The following BACH2 variants were observed in gnomAD, a reference collection of about 807,000 sequenced individuals.
BACH2 encodes BACH transcriptional regulator 2, also known as transcription regulator protein BACH2.
BACH2 carries 5 observed loss-of-function variants against 61.8 expected under a neutral mutation model. That is an observed-to-expected ratio of 0.08 (90% CI 0.04 to 0.17). The LOEUF (loss-of-function observed/expected upper bound fraction) is 0.17, where lower values mean the gene tolerates loss of function less well. Among genes scored for constraint, BACH2 ranks in the 10% least tolerant of loss-of-function variants. BACH2 has a pLI of 1.00. For missense variants in BACH2, 824 were observed against 1,091.1 expected (o/e 0.76, Z 3.45); for synonymous variants, 446 against 440.1 (o/e 1.01, Z -0.17).
intron 3 of BACH2, among the ~76,000 whole-genome samples, chr6:90,209,837 A>G (rs903631209): frequency 9.9e-5 from 15 of 152,110 alleles, no homozygotes; most frequent in Admixed American, 9.8e-4. Context: ...CAGGCTAAAA[A>G]CCCTTTGAGG....
rs1772043745 is a variant in BACH2 at position 90,287,135 on chromosome 6, G to A, written c.-446+9345C>T. ...TGGTTGCTGGAGAAGGGTATGGTGGGGGAGAGGTGGGACTGAAGGGCGTTG... is the reference window on the plus strand; with the variant it reads ...TGGTTGCTGGAGAAGGGTATGGTGGAGGAGAGGTGGGACTGAAGGGCGTTG... On this transcript the variant is annotated intron_variant, in intron 1 of 8. Transcript: ENST00000257749. Among the ~76,000 whole-genome samples, 3 of 152,098 alleles carry A rather than the reference G, an allele frequency of 2.0e-5. No homozygotes were observed. The South Asian group carries it at 6.2e-4, about 32-fold the overall frequency.
intron 4 of BACH2, among the ~76,000 whole-genome samples, chr6:90,152,579 T>C (rs1176511256): frequency 2.6e-5 from 4 of 152,242 alleles, no homozygotes; most frequent in African/African-American, 9.6e-5. Context: ...ATATACTTAA[T>C]AAGTTTTACT....
intron 3 of BACH2, among the ~76,000 whole-genome samples, chr6:90,246,708 T>C (rs1021980399): frequency 1.3e-5 from 2 of 152,210 alleles, no homozygotes; most frequent in African/African-American, 4.8e-5. Flanking sequence ...TTAAGGTGAT[T>C]TGAAGCAAAA....
At chr6:90,160,875 G>A (rs1785165916) in intron 4 of BACH2, among the ~76,000 whole-genome samples, 1 of 152,062 alleles carries the variant, frequency 6.6e-6, no homozygotes, top group African/African-American at 2.4e-5. Context: ...TGGATCACGA[G>A]GTCAGGAGAT....
At chr6:90,023,463 T>A (rs1469787264) in intron 5 of BACH2, among the ~76,000 whole-genome samples, 1 of 152,192 alleles carries the variant, frequency 6.6e-6, no homozygotes, top group Non-Finnish European at 1.5e-5. Flanking sequence ...TCCACTGTGA[T>A]TGTAAGTTTC....
intron 4 of BACH2, among the ~76,000 whole-genome samples, chr6:90,098,063 C>T (rs1201811094): frequency 1.3e-5 from 2 of 152,172 alleles, no homozygotes; most frequent in South Asian, 4.2e-4. Context: ...ACATCACAGC[C>T]TTCCACGCCT....
At chr6:90,072,463 T>C (rs1324505355) in intron 5 of BACH2, among the ~76,000 whole-genome samples, 1 of 152,216 alleles carries the variant, frequency 6.6e-6, no homozygotes, top group Non-Finnish European at 1.5e-5. Context: ...ATTTCCAAAC[T>C]ATTTCTAAGG....
intron 2 of BACH2, among the ~76,000 whole-genome samples, chr6:90,260,638 GA>G (rs1270834595): frequency 1.3e-5 from 2 of 152,196 alleles, no homozygotes; most frequent in African/African-American, 4.8e-5. Flanking sequence ...GTTGAACTGA[GA>G]AGTTATTTTT....
At chr6:90,151,883 G>C (rs1310530606) in intron 4 of BACH2, among the ~76,000 whole-genome samples, 8 of 152,122 alleles carry the variant, frequency 5.3e-5, no homozygotes, top group Admixed American at 2.0e-4. Context: ...GCCAATCTTG[G>C]TGAATGAATT....
Position 89,988,615 on chromosome 6 carries a change from T to C in BACH2, c.243+19987A>G, listed in dbSNP as rs369658766. 1.2e-4 allele frequency among the ~76,000 whole-genome samples: 19 copies of C among 152,134 alleles called. 3 individuals are homozygous for C. Among genetic ancestry groups the C allele is most frequent in the Admixed American group, 6.5e-4 (10 of 15,294 alleles). On this transcript the variant is annotated intron_variant, in intron 6 of 8. Transcript: ENST00000257749. ...AGAAAGCAGAAGATCTGACTACAAG[T>C]AGAAGAGTTGGAGGACGCAAGACAA...
intron 4 of BACH2, among the ~76,000 whole-genome samples, chr6:90,105,855 T>TG (rs1363417951): frequency 6.6e-6 from 1 of 152,218 alleles, no homozygotes. Context: ...TTTTAAAATT[T>TG]GGGGTTCTAA....
chr6:90,237,649 A>G (rs903236203), intron 3 of BACH2, among the ~76,000 whole-genome samples: 1 of 152,234 alleles, frequency 6.6e-6, no homozygotes, highest in Non-Finnish European at 1.5e-5. Context: ...GTAAAATGCA[A>G]TGGAATCTCT....
chr6:90,028,127 C>T (rs1245750223), intron 5 of BACH2, among the ~76,000 whole-genome samples: 1 of 152,192 alleles, frequency 6.6e-6, no homozygotes, highest in East Asian at 1.9e-4. Context: ...TGCAACATCC[C>T]TTGATGACTG....
At chr6:90,143,689 G>T (rs1335336936) in intron 4 of BACH2, among the ~76,000 whole-genome samples, 1 of 151,984 alleles carries the variant, frequency 6.6e-6, no homozygotes, top group Non-Finnish European at 1.5e-5. Context: ...TCTCCTCTTT[G>T]GCAATGTTTT....
At chr6:89,949,688 A>C (rs1278433568) in intron 7 of BACH2, among the ~76,000 whole-genome samples, 1 of 152,172 alleles carries the variant, frequency 6.6e-6, no homozygotes, top group African/African-American at 2.4e-5. Context: ...TGTGTGGCTG[A>C]CTAGGGTGCT....
chr6:90,222,698 C>A (rs1003372619), intron 3 of BACH2, among the ~76,000 whole-genome samples: 1 of 152,158 alleles, frequency 6.6e-6, no homozygotes, highest in Non-Finnish European at 1.5e-5. Flanking sequence ...CTCTCCTGTT[C>A]TTTGTTCTCC....
chr6:90,137,732 C>G (rs1424093306), intron 4 of BACH2, among the ~76,000 whole-genome samples: 1 of 152,094 alleles, frequency 6.6e-6, no homozygotes, highest in African/African-American at 2.4e-5. Context: ...CTTTGAGAAG[C>G]CTGTGGGATT....
chr6:90,275,978 AAAAG>A (rs932778631), intron 1 of BACH2, among the ~76,000 whole-genome samples: 5 of 152,156 alleles, frequency 3.3e-5, no homozygotes, highest in South Asian at 2.1e-4. Context: ...TAAAAAAAAA[AAAAG>A]AAAGAAATCA....
At chr6:90,104,883 C>G (rs986975370) in intron 4 of BACH2, among the ~76,000 whole-genome samples, 7 of 152,152 alleles carry the variant, frequency 4.6e-5, no homozygotes, top group African/African-American at 1.7e-4. Flanking sequence ...CTGGTTTCCC[C>G]CATACTACCA....
Sources: gnomAD v4.1 joint callset for allele counts (sites outside exome capture counted in the v4.1 genomes callset) on GRCh38, gnomAD v4.1.1 for gene constraint, MANE v1.5 for transcripts, NCBI Gene and HGNC (gene_info 2026-07-23, HGNC 2026-07-21) for gene names.